The following TANC1 variants were observed in gnomAD, a reference collection of about 807,000 sequenced individuals.
TANC1 encodes tetratricopeptide repeat, ankyrin repeat and coiled-coil containing 1.
Under a neutral mutation model 149.7 loss-of-function variants are expected in TANC1, and 77 were observed. The ratio of observed to expected loss-of-function variants is 0.51; its 90% CI spans 0.43 to 0.62. The LOEUF is 0.62. Among genes scored for constraint, TANC1 ranks in the 20% least tolerant of loss-of-function variants. The pLI is 0.00. For missense variants in TANC1, 1,985 were observed against 2,321.8 expected, an observed-to-expected ratio of 0.85 and a Z score of 2.98; for synonymous variants, 854 against 925.0, an observed-to-expected ratio of 0.92 and a Z score of 1.39.
At chr2:159,086,536 C>T (rs895967714) in intron 3 of TANC1, among the ~76,000 whole-genome samples, 1 of 152,120 alleles carries the variant, frequency 6.6e-6, no homozygotes, top group Admixed American at 6.5e-5. Context: ...GTGAGACCTT[C>T]CTGGAAGAGG....
At chr2:158,973,752 C>A in intron 1 of TANC1, among the ~76,000 whole-genome samples, 1 of 152,178 alleles carries the variant, frequency 6.6e-6, no homozygotes, top group East Asian at 1.9e-4. Context: ...TACTGCTGAT[C>A]ATAACAACAT....
intron 5 of TANC1, chr2:159,148,445 C>T (rs886885772): frequency 1.3e-5 from 2 of 152,212 alleles, no homozygotes; most frequent in African/African-American, 4.8e-5. Flanking sequence ...GTGGGCTTTC[C>T]CAGCATTGCT....
At chr2:159,189,502 C>T (rs2057282302) in intron 16 of TANC1, among the ~76,000 whole-genome samples, 1 of 152,172 alleles carries the variant, frequency 6.6e-6, no homozygotes, top group African/African-American at 2.4e-5. Flanking sequence ...GTTTATTTAA[C>T]ATGTACAGAT....
chr2:159,013,773 G>A (rs2037999580), intron 2 of TANC1, among the ~76,000 whole-genome samples: 2 of 152,298 alleles, frequency 1.3e-5, no homozygotes, highest in South Asian at 4.2e-4. Context: ...TGCTAGGGTG[G>A]CTATAACCAG....
At chr2:159,055,871 CTTATTTAT>C (rs148622577) in intron 2 of TANC1, 12 of 167,124 alleles carry the variant, frequency 7.2e-5, no homozygotes, top group South Asian at 1.5e-4. Context: ...CACAGCATAG[CTTATTTAT>C]TTATTTATTT....
intron 1 of TANC1, among the ~76,000 whole-genome samples, chr2:158,995,682 G>T (rs1016107998): frequency 6.6e-6 from 1 of 152,128 alleles, no homozygotes; most frequent in Non-Finnish European, 1.5e-5. Flanking sequence ...CCTCCTCCCT[G>T]CCTCTATTTA....
chr2:159,096,738 C>T (rs572024551), intron 3 of TANC1, among the ~76,000 whole-genome samples: 2 of 152,266 alleles, frequency 1.3e-5, no homozygotes, highest in African/African-American at 4.8e-5. Context: ...CTAAAGGTGA[C>T]TTAGGTCAGA....
In TANC1 at chr2:159,178,719, T is replaced by C. The variant is rs1384527995; in HGVS notation, c.2066T>C (p.Ile689Thr). Reference protein sequence around the residue: ...SLNGKADATLIGKVSSHLVLR... With the variant: ...SLNGKADATLTGKVSSHLVLR... The stretch of plus-strand genomic sequence containing the variant: ...AATGGCAAGGCCGATGCCACACTCA[T>C]TGGAAAAGTGAGCAGCCACCTGGTG... The change falls in exon 14 of 27, where the codon ATT becomes ACT. Residue 689 changes from isoleucine to threonine, a missense_variant. Physicochemically the swap from Ile to Thr is moderately conservative, Grantham distance 89 (BLOSUM62 -1). This residue lies in a region of TANC1 where 508 missense variants were observed against 714.2 expected (regional missense o/e 0.71). Transcript: ENST00000263635. The C allele has an allele frequency of 6.2e-7, 1 of 1,614,180 alleles. No homozygotes were observed. Among genetic ancestry groups the C allele is most frequent in the Non-Finnish European group, 8.5e-7 (1 of 1,180,026 alleles).
intron 4 of TANC1, among the ~76,000 whole-genome samples, chr2:159,110,977 C>A (rs1023381236): frequency 1.3e-5 from 2 of 152,202 alleles, no homozygotes; most frequent in African/African-American, 4.8e-5. Flanking sequence ...AGCCCTGCTG[C>A]CAGCTTCTTG....
intron 2 of TANC1, among the ~76,000 whole-genome samples, chr2:159,021,687 A>T (rs1410116476): frequency 1.3e-5 from 2 of 152,236 alleles, no homozygotes; most frequent in Admixed American, 6.5e-5. Flanking sequence ...GACATTTAAA[A>T]ATAAAATAGT....
intron 3 of TANC1, among the ~76,000 whole-genome samples, chr2:159,093,690 A>G (rs542092247): frequency 6.6e-6 from 1 of 152,168 alleles, no homozygotes; most frequent in Non-Finnish European, 1.5e-5. Context: ...AACATGTTTG[A>G]GAGTGATTAT....
chr2:159,004,819 G>C (rs528621932), intron 2 of TANC1, among the ~76,000 whole-genome samples: 19 of 152,204 alleles, frequency 1.2e-4, no homozygotes, highest in African/African-American at 2.2e-4. Flanking sequence ...CAGACAGACA[G>C]ACACACACAC....
At chr2:159,102,382 C>T (rs55654562) in intron 4 of TANC1, among the ~76,000 whole-genome samples, 25,389 of 150,668 alleles carry the variant, frequency 0.17, 2,232 homozygotes, top group Middle Eastern at 0.24. Flanking sequence ...TGGGCTCAAG[C>T]GATCCTTCCA....
At chr2:159,014,225 G>A (rs2038046064) in intron 2 of TANC1, among the ~76,000 whole-genome samples, 1 of 152,140 alleles carries the variant, frequency 6.6e-6, no homozygotes, top group Non-Finnish European at 1.5e-5. Context: ...CCACATGGCT[G>A]GGGAAGCCTC....
intron 3 of TANC1, 126 bp downstream of exon 3, chr2:159,066,097 G>C (rs2042635752): frequency 1.3e-6 from 1 of 756,230 alleles, no homozygotes. Flanking sequence ...AGAACAAACA[G>C]TGTGCTGGAG....
At position 159,137,875 on chromosome 2, in the gene TANC1, G is replaced by A. The variant is rs139974892; in HGVS notation, c.364+1577G>A. ...CTCTTCCTCCCTGGCTGGGAGTATC[G>A]TTAAGGTTCTGTACAGGGATTGGGA... On this transcript the variant is annotated intron_variant, in intron 5 of 26. Transcript: ENST00000263635. 1.4e-4 allele frequency among the ~76,000 whole-genome samples: 22 copies of A among 152,290 alleles called. No homozygotes were observed. The East Asian group carries it at 2.7e-3, about 19-fold the overall frequency.
At chr2:159,134,302 G>A (rs796361775) in intron 4 of TANC1, among the ~76,000 whole-genome samples, 1 of 152,094 alleles carries the variant, frequency 6.6e-6, no homozygotes, top group Non-Finnish European at 1.5e-5. Flanking sequence ...TAACAGAATA[G>A]GCAGTATTTT....
At chr2:159,142,556 A>T (rs11684089) in intron 5 of TANC1, among the ~76,000 whole-genome samples, 36,679 of 152,138 alleles carry the variant, frequency 0.24, 5,434 homozygotes, top group Non-Finnish European at 0.35. Flanking sequence ...TGAAGTGGGA[A>T]GTCTGAGTAA....
intron 3 of TANC1, among the ~76,000 whole-genome samples, chr2:159,095,794 C>T (rs2046063032): frequency 6.7e-6 from 1 of 148,980 alleles, no homozygotes; most frequent in African/African-American, 2.5e-5. Context: ...TCATATAAGG[C>T]ATATGTCCTA....
Sources: gnomAD v4.1 joint callset for allele counts (sites outside exome capture counted in the v4.1 genomes callset) on GRCh38, gnomAD v4.1.1 for gene constraint, gnomAD v4.1.1 regional missense constraint, MANE v1.5 for transcripts, NCBI Gene and HGNC (gene_info 2026-07-23, HGNC 2026-07-21) for gene names.